Variants in ROR2 observed in about 807,000 individuals in gnomAD.
ROR2 encodes ROR family WNT receptor 2.
ROR2 carries 33 observed loss-of-function variants against 74.9 expected under a neutral mutation model. The observed-to-expected ratio is 0.44, with a 90% CI of 0.33 to 0.59. The LOEUF is 0.59. ROR2 is among the 20% of genes least tolerant of loss of function. The pLI, the probability that ROR2 is intolerant of heterozygous loss-of-function variation, is 0.02. For missense variants in ROR2, 1,216 were observed against 1,313.8 expected (o/e 0.93, Z 1.15); for synonymous variants, 586 against 558.7 (o/e 1.05, Z -0.69).
intron 1 of ROR2, among the ~76,000 whole-genome samples, chr9:91,890,827 C>T (rs1830403569): frequency 6.6e-6 from 1 of 152,066 alleles, no homozygotes; most frequent in South Asian, 2.1e-4. Flanking sequence ...TGAAAGAATC[C>T]TTTTATGGAG....
At chr9:91,943,389 C>A (rs114180355) in intron 1 of ROR2, among the ~76,000 whole-genome samples, 1 of 151,704 alleles carries the variant, frequency 6.6e-6, no homozygotes, top group South Asian at 2.1e-4. Context: ...ATAATATATA[C>A]CAAATATATA....
chr9:91,731,409 G>A (rs755488892), intron 6 of ROR2, among the ~76,000 whole-genome samples: 13 of 152,112 alleles, frequency 8.5e-5, no homozygotes, highest in Non-Finnish European at 1.5e-4. Context: ...GACCCACGAG[G>A]CACCTGCACA....
At chr9:91,786,940 T>C (rs909334830) in intron 1 of ROR2, among the ~76,000 whole-genome samples, 1 of 152,188 alleles carries the variant, frequency 6.6e-6, no homozygotes, top group Non-Finnish European at 1.5e-5. Flanking sequence ...GAAGAGGTTG[T>C]ATGCATGCTC....
chr9:91,761,212 T>TA (rs1825905300), intron 2 of ROR2, among the ~76,000 whole-genome samples: 1 of 152,212 alleles, frequency 6.6e-6, no homozygotes, highest in Admixed American at 6.5e-5. Flanking sequence ...AACAGTCCCA[T>TA]AGACCAGTGG....
At chr9:91,938,605 G>C (rs1367130769) in intron 1 of ROR2, among the ~76,000 whole-genome samples, 1 of 151,988 alleles carries the variant, frequency 6.6e-6, no homozygotes, top group Admixed American at 6.6e-5. Context: ...CTGGGCAACA[G>C]AGCAAGACTT....
intron 1 of ROR2, among the ~76,000 whole-genome samples, chr9:91,793,306 G>A (rs1231159462): frequency 6.6e-6 from 1 of 151,916 alleles, no homozygotes; most frequent in Non-Finnish European, 1.5e-5. Flanking sequence ...TTATTAATAA[G>A]GCAATTTTTC....
intron 1 of ROR2, among the ~76,000 whole-genome samples, chr9:91,884,028 C>T (rs983881413): frequency 2.6e-5 from 4 of 152,164 alleles, no homozygotes; most frequent in African/African-American, 9.7e-5. Flanking sequence ...CACCATCCTA[C>T]CACGGAGCTA....
rs541063981 is a variant in ROR2 at position 91,886,755 on chromosome 9, C to T, written c.97+63112G>A. 10 of 152,378 alleles carry T rather than the reference C, an allele frequency of 6.6e-5. 1 individual carries two copies. The Middle Eastern group carries it at 0.01, about 155-fold the overall frequency. 9.4% of individuals were successfully genotyped at this position (152,378 alleles called of 1,614,324 possible). ...GGGTGGGAAGGCCGTAATTGCAGGA[C>T]TCAGGGGTGCTTTGCCTGCAGCAGG... On this transcript the variant is annotated intron_variant, in intron 1 of 8. Transcript: ENST00000375708.
Position 91,731,092 on chromosome 9 carries a change from C to A in ROR2, c.1001G>T (p.Gly334Val). 1 of 1,614,042 alleles carries A rather than the reference C, an allele frequency of 6.2e-7. No homozygotes were observed. Reference sequence around the variant, plus strand: ...CAGGGCCCACGGCTGGCACTGGTGGCCTGACTTGGTGGTGCTTGCCGTTCC... The same window carrying A: ...CAGGGCCCACGGCTGGCACTGGTGGACTGACTTGGTGGTGCTTGCCGTTCC... ...YRGTASTTKSGHQCQPWALQH... is the reference protein window; with the variant it reads ...YRGTASTTKSVHQCQPWALQH... Residue 334 changes from glycine to valine, a missense_variant, in exon 7 of 9, where the codon GGC becomes GTC. Gly to Val is a moderately radical substitution (Grantham distance 109). Transcript: ENST00000375708.
intron 1 of ROR2, among the ~76,000 whole-genome samples, chr9:91,846,355 G>A (rs1828931142): frequency 6.6e-6 from 1 of 152,124 alleles, no homozygotes; most frequent in Non-Finnish European, 1.5e-5. Flanking sequence ...CTACAAGAAG[G>A]GGAAGAGACA....
chr9:91,873,457 G>T (rs1341257770), intron 1 of ROR2, among the ~76,000 whole-genome samples: 4 of 152,146 alleles, frequency 2.6e-5, no homozygotes, highest in Non-Finnish European at 4.4e-5. Context: ...GGCATATGGT[G>T]GGCGCCTACA....
chr9:91,747,371 G>A (rs763221518), intron 4 of ROR2, among the ~76,000 whole-genome samples: 1 of 152,202 alleles, frequency 6.6e-6, no homozygotes, highest in South Asian at 2.1e-4. Context: ...CAGCGCTCAC[G>A]CGTGTGGACA....
intron 1 of ROR2, among the ~76,000 whole-genome samples, chr9:91,853,250 G>A (rs901095319): frequency 1.3e-5 from 2 of 152,302 alleles, no homozygotes; most frequent in Non-Finnish European, 2.9e-5. Context: ...AGGACTCAAC[G>A]GCCAGAGGGC....
chr9:91,782,782 G>A lies in ROR2; in HGVS notation c.98-6964C>T, dbSNP rs183165706. Among the ~76,000 whole-genome samples the A allele has an allele frequency of 6.4e-3, 972 of 152,250 alleles. 4 individuals carry two copies. The highest frequency in any genetic ancestry group is 0.01 in the Middle Eastern group (3 of 294). On this transcript the variant is annotated intron_variant, in intron 1 of 8. Coordinates refer to ENST00000375708, the MANE Select transcript of ROR2 (RefSeq NM_004560.4). ...CCATGTAGCCAGAGGCTAACCCAGA[G>A]GGGGTTCAAAAGCAGAAGATTCTCT...
intron 1 of ROR2, among the ~76,000 whole-genome samples, chr9:91,817,416 C>A (rs1827979031): frequency 6.6e-6 from 1 of 152,192 alleles, no homozygotes; most frequent in African/African-American, 2.4e-5. Context: ...CAGTGACCTG[C>A]AAGACAGAGA....
chr9:91,800,783 C>T (rs1827348788), intron 1 of ROR2, among the ~76,000 whole-genome samples: 1 of 152,220 alleles, frequency 6.6e-6, no homozygotes, highest in African/African-American at 2.4e-5. Context: ...AAGTTCACAG[C>T]CACGCTTCCA....
chr9:91,727,559 A>G (rs1251928622), intron 7 of ROR2, among the ~76,000 whole-genome samples: 1 of 152,172 alleles, frequency 6.6e-6, no homozygotes, highest in Non-Finnish European at 1.5e-5. Flanking sequence ...CGTGGCCCCA[A>G]GCACCCCACA....
chr9:91,813,983 C>A (rs1274557548), intron 1 of ROR2, among the ~76,000 whole-genome samples: 1 of 152,182 alleles, frequency 6.6e-6, no homozygotes, highest in Non-Finnish European at 1.5e-5. Flanking sequence ...CTGCATTTTC[C>A]CTCCTAAAGG....
intron 1 of ROR2, among the ~76,000 whole-genome samples, chr9:91,809,009 A>C (rs1470795597): frequency 6.6e-6 from 1 of 151,974 alleles, no homozygotes; most frequent in Admixed American, 6.6e-5. Context: ...TCTCAAAAAA[A>C]AAAAAGTGTG....
Sources: allele counts gnomAD v4.1 joint callset (sites outside exome capture counted in the v4.1 genomes callset), GRCh38; gene constraint gnomAD v4.1.1; transcripts MANE v1.5; gene names NCBI Gene and HGNC (gene_info 2026-07-23, HGNC 2026-07-21).